The following TCIRG1 variants were observed in gnomAD, a reference collection of about 807,000 sequenced individuals.
TCIRG1 encodes T cell immune regulator 1, ATPase H+ transporting V0 subunit a3, also known as V-type proton ATPase 116 kDa subunit a 3.
TCIRG1 carries 86 observed loss-of-function variants against 95.5 expected under a neutral mutation model. The ratio of observed to expected loss-of-function variants is 0.90; its 90% confidence interval spans 0.76 to 1.08. TCIRG1 has a LOEUF of 1.08. TCIRG1 is among the 50% of genes least tolerant of loss of function. TCIRG1 has a pLI of 0.00. For missense variants in TCIRG1, 1,069 were observed against 1,140.2 expected (o/e 0.94, Z 0.90); for synonymous variants, 499 against 501.3 (o/e 1.00, Z 0.06).
intron 2 of TCIRG1, 79 bp from the exon 3 acceptor site, chr11:68,041,674 G>C: frequency 8.3e-7 from 1 of 1,211,028 alleles, no homozygotes; most frequent in Non-Finnish European, 1.2e-6. Flanking sequence ...GGCCTGGGGA[G>C]AGTCAGGCCT....
In TCIRG1 at chr11:68,043,820, C is replaced by T. The variant is rs1366167301; in HGVS notation, c.720C>T (p.His240=). The T allele has an allele frequency of 6.4e-7, 1 of 1,563,008 alleles. No homozygotes were observed. The highest frequency in any genetic ancestry group is 8.7e-7 in the Non-Finnish European group (1 of 1,154,124). The change falls in exon 8 of 20, where the codon CAC becomes CAT. Residue 240 remains histidine (H), a synonymous_variant. Transcript: ENST00000265686. ...CAGCGCATCCTCCCTCCAGCTTCCA[C>T]TGCCACGTCTTCCCGTTTCTGCAGC... ...QKIRKITDCF[H]CHVFPFLQQE...
chr11:68,049,540 C>G (rs1213911269), intron 15 of TCIRG1, 123 bp from the exon 16 acceptor site: 3 of 1,358,400 alleles, frequency 2.2e-6, no homozygotes, highest in Non-Finnish European at 3.0e-6. Context: ...GGGCACGGAG[C>G]CCCCGGGGGC....
At chr11:68,043,135 C>T in intron 5 of TCIRG1, 104 bp downstream of exon 5, 2 of 1,536,896 alleles carry the variant, frequency 1.3e-6, no homozygotes, top group Non-Finnish European at 1.8e-6. Context: ...AGTGCTCTCC[C>T]CAGGCTGGCC....
chr11:68,042,339 A>G (rs984262539), intron 3 of TCIRG1, among the ~76,000 whole-genome samples: 2 of 152,142 alleles, frequency 1.3e-5, no homozygotes, highest in African/African-American at 4.8e-5. Flanking sequence ...CTTTTCAATG[A>G]TCAGGCAGAC....
At chr11:68,046,803 G>C (rs540168404) in intron 10 of TCIRG1, 4 of 452,838 alleles carry the variant, frequency 8.8e-6, no homozygotes, top group Non-Finnish European at 1.8e-5. Flanking sequence ...GTGGCTCCCT[G>C]TCCTCTCTGG....
chr11:68,043,377 G>A lies in TCIRG1; in HGVS notation c.510G>A (p.Val170=). 6.5e-7 allele frequency: 1 copy of A among 1,539,464 alleles called. No individual in the cohort carries two copies. Among genetic ancestry groups the A allele is most frequent in the Non-Finnish European group, 8.7e-7 (1 of 1,146,412 alleles). The change falls in exon 6 of 20, where the codon GTG becomes GTA. Residue 170 remains valine, a synonymous_variant. Coordinates refer to ENST00000265686, the MANE Select transcript of TCIRG1 (RefSeq NM_006019.4). ...CCAGCCCCGTGGCCGCCAGCTTTGT[G>A]GCAGGTGCCGTGGAGCCCCACAAGG... ...GPHQDLRVNF[V]AGAVEPHKAP...
At chr11:68,052,834 C>T (rs1443855700), downstream of TCIRG1, 2 of 152,230 alleles carry the variant, frequency 1.3e-5, no homozygotes, top group Non-Finnish European at 2.9e-5. Flanking sequence ...AGATTCAGGA[C>T]ACATCCAAGG....
chr11:68,043,316 T>C (rs1436034005), intron 5 of TCIRG1, 55 bp from the exon 6 acceptor site: 1 of 1,526,566 alleles, frequency 6.6e-7, no homozygotes, highest in Middle Eastern at 2.3e-4. Flanking sequence ...GGGGGCCTGG[T>C]GGGGGAGGCA....
chr11:68,042,586 GC>G (rs972386597), intron 3 of TCIRG1, 56 bp from the exon 4 acceptor site: 2 of 1,396,206 alleles, frequency 1.4e-6, no homozygotes, highest in Non-Finnish European at 2.0e-6. Flanking sequence ...AGCAGGTGGG[GC>G]CCTCAACTGT....
At chr11:68,048,743 G>T in intron 13 of TCIRG1, 136 bp from the exon 14 acceptor site, 1 of 786,580 alleles carries the variant, frequency 1.3e-6, no homozygotes, top group South Asian at 1.4e-5. Context: ...GTTGCCCCTC[G>T]GTGGGTGGGT....
chr11:68,040,015 G>A (rs981308207), intron 1 of TCIRG1: 1 of 152,330 alleles, frequency 6.6e-6, no homozygotes, highest in South Asian at 2.1e-4. Context: ...ACATAACATT[G>A]GACTTTACCT....
chr11:68,041,358 G>A lies in TCIRG1; in HGVS notation c.87G>A (p.Leu29=), dbSNP rs771896469. The part of the protein sequence containing the change: ...TAAAYTCVSR[L]GELGLVEFRD... Reference sequence around the variant, plus strand: ...CTGCCTACACCTGCGTGAGTCGGCTGGGCGAGCTGGGCCTCGTGGAGTTCA... The same window carrying A: ...CTGCCTACACCTGCGTGAGTCGGCTAGGCGAGCTGGGCCTCGTGGAGTTCA... Residue 29 remains leucine, a synonymous_variant, in exon 2 of 20, where the codon CTG becomes CTA. Transcript: ENST00000265686. 10 of 1,612,896 alleles carry A rather than the reference G, an allele frequency of 6.2e-6. No individual in the cohort carries two copies. Among genetic ancestry groups the A allele is most frequent in the Non-Finnish European group, 8.5e-6 (10 of 1,179,808 alleles).
At position 68,049,527 on chromosome 11, in the gene TCIRG1, TG is replaced by T; in HGVS notation, c.1888-135del. On this transcript the variant is annotated intron_variant, in intron 15 of 19. Coordinates refer to ENST00000265686, the MANE Select transcript of TCIRG1 (RefSeq NM_006019.4). ...CTTATGGAGGCAGACCCTCACCCAGTGAGGGCACGGAGCCCCCGGGGGCCCT... is the reference window on the plus strand; with the variant it reads ...CTTATGGAGGCAGACCCTCACCCAGTAGGGCACGGAGCCCCCGGGGGCCCT... 4 of 1,264,216 alleles carry T rather than the reference TG, an allele frequency of 3.2e-6. No homozygotes were observed. In the South Asian group the frequency reaches 5.2e-5, roughly 17 times the overall value. 78.3% of individuals were successfully genotyped at this position (1,264,216 alleles called of 1,614,324 possible).
At chr11:68,049,587 C>CGTGACT in intron 15 of TCIRG1, 76 bp from the exon 16 acceptor site, 1 of 1,553,168 alleles carries the variant, frequency 6.4e-7, no homozygotes, top group Non-Finnish European at 8.7e-7. Context: ...CTCTGGGCCC[C>CGTGACT]GTGACTGCTG....
chr11:68,050,383 C>G (rs1855741595), intron 18 of TCIRG1, 104 bp from the exon 19 acceptor site: 1 of 1,607,178 alleles, frequency 6.2e-7, no homozygotes. Flanking sequence ...AAGGAGGTCC[C>G]TCGCTGGCCC....
At position 68,047,420 on chromosome 11, in the gene TCIRG1, C is replaced by T. The variant is rs749974913; in HGVS notation, c.1166-13C>T. On this transcript the variant is annotated splice_polypyrimidine_tract_variant and intron_variant, in intron 10 of 19. Transcript: ENST00000265686. ...TGTTCGGGGGTTCCCAGCTCACCCA[C>T]CTCTGCCCACAGCTCCCTACACCAT... The T allele has an allele frequency of 1.7e-5, 28 of 1,613,634 alleles. No homozygotes were observed. The highest frequency in any genetic ancestry group is 1.2e-4 in the Admixed American group (7 of 59,976).
rs775657670 is a variant in TCIRG1, at chr11:68,047,969, TC to T, written c.1553del (p.Pro518LeufsTer10). On this transcript the variant is annotated frameshift_variant and splice_region_variant, in exon 13 of 20. Transcript: ENST00000265686. LOFTEE classifies it high-confidence loss of function. ...TGGGACCCTACCCCTTTGGCATCGATCCTGTGAGTCCTGGGATGGAGTGTCC... is the reference window on the plus strand; with the variant it reads ...TGGGACCCTACCCCTTTGGCATCGATCTGTGAGTCCTGGGATGGAGTGTCC... ...FLGPYPFGID[P>X]IWSLAANHLS... is the part of the protein sequence containing the mutation. The T allele has an allele frequency of 6.2e-7, 1 of 1,613,458 alleles. No homozygotes were observed. Among genetic ancestry groups the T allele is most frequent in the Non-Finnish European group, 8.5e-7 (1 of 1,179,790 alleles).
chr11:68,048,283 G>T, intron 13 of TCIRG1: 2 of 496,302 alleles, frequency 4.0e-6, no homozygotes, highest in Non-Finnish European at 7.3e-6. Context: ...CTGTGGAAGT[G>T]ATTTTCTTTT....
At chr11:68,043,197 AG>A in intron 5 of TCIRG1, 166 bp downstream of exon 5, 2 of 1,490,358 alleles carry the variant, frequency 1.3e-6, no homozygotes, top group Non-Finnish European at 1.8e-6. Flanking sequence ...CCCTAGCCCT[AG>A]GGGGTTCTCC....
Sources: allele counts gnomAD v4.1 joint callset (sites outside exome capture counted in the v4.1 genomes callset), GRCh38; gene constraint gnomAD v4.1.1; transcripts MANE v1.5; gene names NCBI Gene and HGNC (gene_info 2026-07-23, HGNC 2026-07-21).